Variants in NFIA observed in about 807,000 individuals in gnomAD.
The protein encoded by NFIA is nuclear factor I A.
In NFIA, 8 loss-of-function variants were observed where a neutral mutation model predicts 62.8. The observed-to-expected ratio is 0.13, with a 90% CI of 0.07 to 0.23. The LOEUF (loss-of-function observed/expected upper bound fraction) is 0.23. Ranked by LOEUF, NFIA falls within the 10% of genes least tolerant of loss-of-function variation. The pLI is 1.00. For missense variants in NFIA, 410 were observed against 642.1 expected, an observed-to-expected ratio of 0.64 and a Z score of 3.91; for synonymous variants, 235 against 238.1, an observed-to-expected ratio of 0.99 and a Z score of 0.12.
chr1:61,287,462 C>CTTA (rs2100299990), intron 3 of NFIA, among the ~76,000 whole-genome samples: 1 of 152,214 alleles, frequency 6.6e-6, no homozygotes, highest in South Asian at 2.1e-4. Flanking sequence ...TAGATTATAA[C>CTTA]CCCCAGGTCT....
Position 61,293,895 on chromosome 1 carries a change from T to C in NFIA, c.625+16310T>C, listed in dbSNP as rs961253988. Among the ~76,000 whole-genome samples the C allele has an allele frequency of 2.0e-5, 3 of 152,242 alleles. No homozygotes were observed. The South Asian group carries it at 6.2e-4, about 32-fold the overall frequency. ...CAAAGCTCAAACCAAAATTGCTTTT[T>C]ATTCTGTAAATATTGAAGAGAAGGC... is the stretch of plus-strand genomic sequence containing the variant. On this transcript the variant is annotated intron_variant, in intron 3 of 10. Coordinates refer to ENST00000403491, the MANE Select transcript of NFIA (RefSeq NM_001134673.4).
At chr1:61,205,428 ATAGCAG>A (rs1652829671) in intron 2 of NFIA, among the ~76,000 whole-genome samples, 1 of 152,338 alleles carries the variant, frequency 6.6e-6, no homozygotes, top group South Asian at 2.1e-4. Flanking sequence ...TCTCATAGGC[ATAGCAG>A]TAATTATGTC....
In NFIA at chr1:61,413,779, A is replaced by G. The variant is rs190391084; in HGVS notation, c.1420+7052A>G. Among the ~76,000 whole-genome samples, 1,076 of 150,884 alleles carry G rather than the reference A, an allele frequency of 7.1e-3. 7 individuals are homozygous for G. The highest frequency in any genetic ancestry group is 0.024 in the African/African-American group (1,001 of 41,092). ...GTAGCTGGGACTGCAGGCACCCACCACCACACCTGGCTAATTTTTGTATTT... is the reference window on the plus strand; with the variant it reads ...GTAGCTGGGACTGCAGGCACCCACCGCCACACCTGGCTAATTTTTGTATTT... On this transcript the variant is annotated intron_variant, in intron 9 of 10. Transcript: ENST00000403491.
At chr1:61,387,024 G>A (rs1664725241) in intron 7 of NFIA, among the ~76,000 whole-genome samples, 1 of 152,026 alleles carries the variant, frequency 6.6e-6, no homozygotes, top group Non-Finnish European at 1.5e-5. Context: ...TATTCATGAG[G>A]GCCCCACCCT....
chr1:61,352,451 A>G lies in NFIA; in HGVS notation c.702A>G (p.Thr234=), dbSNP rs772509569. The G allele has an allele frequency of 3.5e-5, 56 of 1,607,302 alleles. No individual in the cohort carries two copies. Among genetic ancestry groups the G allele is most frequent in the South Asian group, 1.7e-4 (15 of 90,694 alleles). Reference sequence around the variant, plus strand: ...TTTTGTTTGTTTTCTTAATTCTAGCACCAATAGCTGCAGGAACTGGCCCAA... The same window carrying G: ...TTTTGTTTGTTTTCTTAATTCTAGCGCCAATAGCTGCAGGAACTGGCCCAA... ...SVTELVRVSQ[T]PIAAGTGPNF... The change falls in exon 5 of 11, where the codon ACA becomes ACG. Residue 234 remains threonine (T), a splice_region_variant and synonymous_variant. Transcript: ENST00000403491.
At chr1:61,314,554 G>C (rs1660272273) in intron 3 of NFIA, among the ~76,000 whole-genome samples, 1 of 152,128 alleles carries the variant, frequency 6.6e-6, no homozygotes, top group African/African-American at 2.4e-5. Flanking sequence ...ATTACTTACA[G>C]AATACTCTCA....
chr1:61,164,662 A>G (rs1649448396), intron 2 of NFIA, among the ~76,000 whole-genome samples: 1 of 152,026 alleles, frequency 6.6e-6, no homozygotes, highest in Non-Finnish European at 1.5e-5. Context: ...GGGTTTCACC[A>G]TGTTAGCCAG....
intron 2 of NFIA, among the ~76,000 whole-genome samples, chr1:61,199,183 G>A (rs1652242685): frequency 6.6e-6 from 1 of 152,180 alleles, no homozygotes; most frequent in Admixed American, 6.5e-5. Context: ...CTCTCTTTGT[G>A]AATATGTTTA....
upstream of NFIA, among the ~76,000 whole-genome samples, chr1:61,080,044 C>A (rs1646077038): frequency 6.6e-6 from 1 of 152,046 alleles, no homozygotes; most frequent in African/African-American, 2.4e-5. Context: ...GGAGCGGGAG[C>A]TGGCGGAGAT....
intron 3 of NFIA, among the ~76,000 whole-genome samples, chr1:61,281,629 G>T (rs1658140554): frequency 6.6e-6 from 1 of 152,102 alleles, no homozygotes; most frequent in Non-Finnish European, 1.5e-5. Flanking sequence ...GAGAACCAGG[G>T]AATTGCAAAA....
At chr1:61,400,217 G>A (rs1569769008) in intron 7 of NFIA, among the ~76,000 whole-genome samples, 1 of 152,268 alleles carries the variant, frequency 6.6e-6, no homozygotes, top group Non-Finnish European at 1.5e-5. Context: ...TCTTTTCGTT[G>A]TGGCTACTTT....
chr1:61,260,381 C>T (rs893532449), intron 2 of NFIA, among the ~76,000 whole-genome samples: 3 of 152,176 alleles, frequency 2.0e-5, no homozygotes, highest in South Asian at 2.1e-4. Flanking sequence ...AATTCATCAG[C>T]GGATGAATGT....
At chr1:61,083,671 C>T (rs1442582832) in intron 1 of NFIA, among the ~76,000 whole-genome samples, 1 of 151,352 alleles carries the variant, frequency 6.6e-6, no homozygotes, top group East Asian at 1.9e-4. Flanking sequence ...ACGCCGGAGG[C>T]CGCGGGCCGC....
At chr1:61,293,343 G>A (rs1335869152) in intron 3 of NFIA, among the ~76,000 whole-genome samples, 1 of 152,232 alleles carries the variant, frequency 6.6e-6, no homozygotes, top group African/African-American at 2.4e-5. Context: ...GTTTCTGTGT[G>A]TATGAGAGGG....
At chr1:61,415,977 AAGAT>A (rs530472000) in intron 9 of NFIA, among the ~76,000 whole-genome samples, 11 of 152,158 alleles carry the variant, frequency 7.2e-5, no homozygotes, top group Non-Finnish European at 1.3e-4. Context: ...TAAAAATAAA[AAGAT>A]AGGTCTGTCT....
At chr1:61,165,613 G>A (rs764707616) in intron 2 of NFIA, among the ~76,000 whole-genome samples, 39 of 152,310 alleles carry the variant, frequency 2.6e-4, no homozygotes, top group Non-Finnish European at 4.9e-4. Flanking sequence ...TGAGTTAGCT[G>A]TTCTTTAATG....
At chr1:61,356,599 G>A (rs955706954) in intron 5 of NFIA, among the ~76,000 whole-genome samples, 1 of 152,144 alleles carries the variant, frequency 6.6e-6, no homozygotes, top group African/African-American at 2.4e-5. Context: ...TAAGGAATTC[G>A]CTGTGTATAT....
rs1668505837 is a variant in NFIA, at chr1:61,460,948, G to C, written c.*5628G>C. The C allele has an allele frequency of 6.6e-6, 1 of 152,044 alleles. No individual in the cohort carries two copies. Among genetic ancestry groups the C allele is most frequent in the Non-Finnish European group, 1.5e-5 (1 of 68,016 alleles). The allele number at this position is 152,044 out of a possible 1,614,324, so 9.4% of individuals were successfully genotyped here. ...ATTCTGTCTTTTCTTGATTTCGGCT[G>C]TTTTCAGTATTTTGGAGGTATACAT... is the stretch of plus-strand genomic sequence containing the variant. On this transcript the variant is annotated 3_prime_UTR_variant, in exon 11 of 11. Coordinates refer to ENST00000403491, the MANE Select transcript of NFIA (RefSeq NM_001134673.4).
chr1:61,120,683 C>G (rs971654429), intron 2 of NFIA, among the ~76,000 whole-genome samples: 4 of 152,128 alleles, frequency 2.6e-5, no homozygotes, highest in Non-Finnish European at 1.5e-5. Context: ...ACATACGAGG[C>G]CTTCTACAGT....
Sources: gnomAD v4.1 joint callset for allele counts (sites outside exome capture counted in the v4.1 genomes callset) on GRCh38, gnomAD v4.1.1 for gene constraint, MANE v1.5 for transcripts, NCBI Gene and HGNC (gene_info 2026-07-23, HGNC 2026-07-21) for gene names.